The following CNTNAP4 variants were observed in gnomAD, a reference collection of about 807,000 sequenced individuals.
The protein encoded by CNTNAP4 is contactin-associated protein-like 4.
In CNTNAP4, 98 loss-of-function variants were observed where a neutral mutation model predicts 148.4. The ratio of observed to expected loss-of-function variants is 0.66; its 90% CI spans 0.56 to 0.78. The LOEUF (loss-of-function observed/expected upper bound fraction) is 0.78, where lower values mean the gene tolerates loss of function less well. CNTNAP4 is among the 30% of genes least tolerant of loss of function. The probability of loss-of-function intolerance (pLI) is 0.00; values close to 1 mark genes in which losing one functional copy is unlikely to be tolerated. For synonymous variants in CNTNAP4, 730 were observed against 565.1 expected (o/e 1.29, Z -4.14); for missense variants, 1,935 against 1,565.6 (o/e 1.24, Z -3.98).
At chr16:76,340,537 C>A (rs914885837) in intron 2 of CNTNAP4, among the ~76,000 whole-genome samples, 1 of 152,124 alleles carries the variant, frequency 6.6e-6, no homozygotes, top group Non-Finnish European at 1.5e-5. Context: ...TGATTGCGCT[C>A]CCAATGCCTA....
intron 3 of CNTNAP4, among the ~76,000 whole-genome samples, chr16:76,414,570 T>G (rs2078912291): frequency 2.0e-5 from 3 of 151,466 alleles, no homozygotes; most frequent in Middle Eastern, 3.4e-3. Flanking sequence ...TCTGTTTTTC[T>G]GCTCTTTGAA....
chr16:76,300,639 T>G (rs1213204697), intron 1 of CNTNAP4, among the ~76,000 whole-genome samples: 1 of 152,186 alleles, frequency 6.6e-6, no homozygotes, highest in African/African-American at 2.4e-5. Flanking sequence ...GACCTTCAAT[T>G]TTTCATATAG....
At chr16:76,372,880 A>G (rs2014999225) in intron 3 of CNTNAP4, among the ~76,000 whole-genome samples, 1 of 152,208 alleles carries the variant, frequency 6.6e-6, no homozygotes, top group Non-Finnish European at 1.5e-5. Context: ...TGAAAAGTGT[A>G]CCTATTTCTT....
chr16:76,465,321 A>T (rs996091415), intron 9 of CNTNAP4, among the ~76,000 whole-genome samples: 1 of 152,172 alleles, frequency 6.6e-6, no homozygotes, highest in East Asian at 1.9e-4. Context: ...GCCTCTTATC[A>T]TAGACTAATG....
chr16:76,399,616 T>C (rs914642386), intron 3 of CNTNAP4, among the ~76,000 whole-genome samples: 5 of 152,182 alleles, frequency 3.3e-5, no homozygotes, highest in Admixed American at 6.5e-5. Context: ...AAGAGACTAA[T>C]AGTAGATTAA....
At chr16:76,297,025 A>C (rs956897379) in intron 1 of CNTNAP4, among the ~76,000 whole-genome samples, 3 of 152,204 alleles carry the variant, frequency 2.0e-5, no homozygotes, top group African/African-American at 4.8e-5. Context: ...TTCACTCAAC[A>C]AAGTTGTAAA....
chr16:76,508,528 CT>C (rs11323893), intron 15 of CNTNAP4, among the ~76,000 whole-genome samples: 22,547 of 83,044 alleles, frequency 0.27, 7,387 homozygotes, highest in African/African-American at 0.53. Context: ...GTCTATTTTG[CT>C]TTTTTTTTTT....
chr16:76,375,925 C>T (rs1417770201), intron 3 of CNTNAP4, among the ~76,000 whole-genome samples: 2 of 152,182 alleles, frequency 1.3e-5, no homozygotes, highest in Non-Finnish European at 2.9e-5. Context: ...CAGATGCAGG[C>T]TCCATCTCAT....
intron 3 of CNTNAP4, among the ~76,000 whole-genome samples, chr16:76,422,085 A>G (rs932371308): frequency 2.0e-5 from 3 of 152,136 alleles, no homozygotes; most frequent in Non-Finnish European, 2.9e-5. Flanking sequence ...GAAATACTCA[A>G]AATCCTGTGA....
intron 8 of CNTNAP4, among the ~76,000 whole-genome samples, chr16:76,456,991 A>C (rs2080758043): frequency 6.6e-6 from 1 of 152,186 alleles, no homozygotes; most frequent in Non-Finnish European, 1.5e-5. Flanking sequence ...ATTTGTTATA[A>C]GTAATACCTC....
chr16:76,518,099 AG>A (rs1347450339), intron 15 of CNTNAP4, among the ~76,000 whole-genome samples: 1 of 151,930 alleles, frequency 6.6e-6, no homozygotes, highest in African/African-American at 2.4e-5. Flanking sequence ...GTAAGATAAA[AG>A]GTAGGGTTTC....
At chr16:76,359,192 G>C (rs1203267168) in intron 3 of CNTNAP4, among the ~76,000 whole-genome samples, 1 of 151,978 alleles carries the variant, frequency 6.6e-6, no homozygotes, top group Non-Finnish European at 1.5e-5. Flanking sequence ...TTTGTTTTCT[G>C]GCTCAGTTTT....
intron 3 of CNTNAP4, among the ~76,000 whole-genome samples, chr16:76,393,005 G>A (rs1054234162): frequency 3.3e-5 from 5 of 152,096 alleles, no homozygotes; most frequent in African/African-American, 9.7e-5. Flanking sequence ...CATTTTTATC[G>A]TAAGTATTTT....
chr16:76,344,790 G>A (rs8051797), intron 2 of CNTNAP4, among the ~76,000 whole-genome samples: 2,178 of 152,200 alleles, frequency 0.014, 37 homozygotes, highest in African/African-American at 0.043. Context: ...CACCTCTTTC[G>A]GTTGTGTCAG....
At chr16:76,380,271 T>A (rs531798624) in intron 3 of CNTNAP4, among the ~76,000 whole-genome samples, 1 of 152,292 alleles carries the variant, frequency 6.6e-6, no homozygotes, top group African/African-American at 2.4e-5. Context: ...GTGACAGACA[T>A]CTGTGATTGT....
At chr16:76,451,971 A>T (rs1005418182) in intron 7 of CNTNAP4, among the ~76,000 whole-genome samples, 2 of 152,140 alleles carry the variant, frequency 1.3e-5, no homozygotes, top group Admixed American at 6.5e-5. Context: ...TATTATATAT[A>T]TGTATCAAAA....
At chr16:76,496,644 C>A (rs1487946745) in intron 14 of CNTNAP4, among the ~76,000 whole-genome samples, 1 of 152,138 alleles carries the variant, frequency 6.6e-6, no homozygotes, top group Admixed American at 6.5e-5. Context: ...AACTATCAAA[C>A]CAAACAATGG....
intron 10 of CNTNAP4, among the ~76,000 whole-genome samples, chr16:76,473,145 A>C (rs1199145112): frequency 6.6e-6 from 1 of 152,194 alleles, no homozygotes; most frequent in Non-Finnish European, 1.5e-5. Flanking sequence ...AAATCCTGAC[A>C]CATTTTTAAT....
At chr16:76,435,616 A>G (rs559591034) in intron 4 of CNTNAP4, among the ~76,000 whole-genome samples, 3 of 152,186 alleles carry the variant, frequency 2.0e-5, no homozygotes, top group South Asian at 2.1e-4. Context: ...GGTCAAGGGT[A>G]TATCTTCTGG....
Sources: allele counts gnomAD v4.1 joint callset (sites outside exome capture counted in the v4.1 genomes callset), GRCh38; gene constraint gnomAD v4.1.1; transcripts MANE v1.5; gene names NCBI Gene and HGNC (gene_info 2026-07-23, HGNC 2026-07-21).